RIMS1: variants seen among roughly 807,000 people sequenced by gnomAD.
RIMS1 encodes the protein regulating synaptic membrane exocytosis protein 1.
A neutral mutation model predicts 214.1 loss-of-function variants in RIMS1; 83 were observed. The ratio of observed to expected loss-of-function variants is 0.39; its 90% CI spans 0.32 to 0.47. The LOEUF is 0.47. Ranked by LOEUF, RIMS1 falls within the 20% of genes least tolerant of loss-of-function variation. The pLI, the probability that RIMS1 is intolerant of heterozygous loss-of-function variation, is 0.99. For synonymous variants in RIMS1, 793 were observed against 786.8 expected, an observed-to-expected ratio of 1.01 and a Z score of -0.13; for missense variants, 2,050 against 2,161.8, an observed-to-expected ratio of 0.95 and a Z score of 1.03.
intron 11 of RIMS1, among the ~76,000 whole-genome samples, chr6:72,247,123 A>G (rs1244464466): frequency 6.6e-6 from 1 of 152,136 alleles, no homozygotes; most frequent in Non-Finnish European, 1.5e-5. Context: ...AACACTCTGT[A>G]TTGCTCTCTG....
At chr6:72,363,672 A>G (rs901262747) in intron 29 of RIMS1, among the ~76,000 whole-genome samples, 2 of 152,210 alleles carry the variant, frequency 1.3e-5, no homozygotes, top group African/African-American at 4.8e-5. Context: ...AAAAAGATTG[A>G]AAGCATACCT....
chr6:72,031,564 G>A (rs142345835), intron 2 of RIMS1, among the ~76,000 whole-genome samples: 17 of 152,148 alleles, frequency 1.1e-4, no homozygotes, highest in Admixed American at 3.9e-4. Flanking sequence ...ACTAAAATCC[G>A]GGGGAAATAG....
At chr6:72,104,722 T>C (rs550081039) in intron 4 of RIMS1, among the ~76,000 whole-genome samples, 47 of 152,188 alleles carry the variant, frequency 3.1e-4, no homozygotes, top group African/African-American at 1.1e-3. Context: ...TTTAGTAGAG[T>C]TTCTCTAACA....
At chr6:72,151,511 T>C (rs1345646293) in intron 4 of RIMS1, among the ~76,000 whole-genome samples, 1 of 152,192 alleles carries the variant, frequency 6.6e-6, no homozygotes, top group African/African-American at 2.4e-5. Context: ...AATAATCTGA[T>C]AGGGAAGAAA....
Position 72,398,875 on chromosome 6 carries a change from C to A in RIMS1, c.4721-80C>A, listed in dbSNP as rs1351388749. On this transcript the variant is annotated intron_variant, in intron 32 of 33. Transcript: ENST00000521978. The stretch of plus-strand genomic sequence containing the variant: ...AAACTTTCAGTAAGCATCTCTAATT[C>A]TCTAATAGGGAATTCTCTAATTAAA... 1.3e-5 allele frequency: 11 copies of A among 873,800 alleles called. No homozygotes were observed. The East Asian group carries it at 3.0e-4, about 24-fold the overall frequency. The allele number at this position is 873,800 out of a possible 1,614,324, so 54.1% of individuals were successfully genotyped here.
chr6:72,310,282 A>G (rs1199227868), intron 27 of RIMS1, among the ~76,000 whole-genome samples: 1 of 152,138 alleles, frequency 6.6e-6, no homozygotes, highest in African/African-American at 2.4e-5. Context: ...GAAACCTAGT[A>G]TGTCTTTTAG....
At chr6:71,927,479 A>C (rs1215529919) in intron 1 of RIMS1, among the ~76,000 whole-genome samples, 1 of 152,162 alleles carries the variant, frequency 6.6e-6, no homozygotes, top group African/African-American at 2.4e-5. Flanking sequence ...GTCTTGGGTG[A>C]ATAAAGGCAG....
At chr6:72,046,254 C>T (rs1438803036) in intron 2 of RIMS1, among the ~76,000 whole-genome samples, 1 of 151,880 alleles carries the variant, frequency 6.6e-6, no homozygotes, top group East Asian at 1.9e-4. Flanking sequence ...AAAGTGCTGC[C>T]TGGTGCTGTT....
intron 29 of RIMS1, among the ~76,000 whole-genome samples, chr6:72,357,235 C>A (rs534039008): frequency 6.6e-6 from 1 of 152,292 alleles, no homozygotes; most frequent in East Asian, 1.9e-4. Flanking sequence ...GTTTAATCCT[C>A]AACTAGGTTC....
intron 6 of RIMS1, among the ~76,000 whole-genome samples, chr6:72,230,124 A>G (rs1438566888): frequency 2.0e-5 from 3 of 151,908 alleles, no homozygotes; most frequent in South Asian, 2.1e-4. Flanking sequence ...TGAAGTTTAC[A>G]TTTTTTTGAA....
intron 2 of RIMS1, among the ~76,000 whole-genome samples, chr6:72,012,701 A>G (rs1315019166): frequency 9.2e-5 from 14 of 152,168 alleles, no homozygotes; most frequent in Admixed American, 9.2e-4. Flanking sequence ...CAGCAAGGTT[A>G]TAATAAAGCT....
intron 4 of RIMS1, among the ~76,000 whole-genome samples, chr6:72,166,220 A>G (rs913253543): frequency 1.3e-5 from 2 of 151,868 alleles, no homozygotes; most frequent in Non-Finnish European, 2.9e-5. Flanking sequence ...ACACACACAC[A>G]TGCACACATA....
intron 2 of RIMS1, among the ~76,000 whole-genome samples, chr6:71,997,538 A>G (rs1803833202): frequency 6.6e-6 from 1 of 152,228 alleles, no homozygotes; most frequent in Admixed American, 6.5e-5. Context: ...AAATCATCAC[A>G]AAATTTAAAT....
At chr6:72,332,696 AAG>A (rs201562434) in intron 28 of RIMS1, among the ~76,000 whole-genome samples, 2,009 of 151,638 alleles carry the variant, frequency 0.013, 46 homozygotes, top group African/African-American at 0.047. Context: ...AAAAAAAAAA[AAG>A]AATCCTAACA....
Position 71,992,404 on chromosome 6 carries a change from CTCTTTCTTTCTTTCTT to C in RIMS1, c.245+23373_245+23388del, listed in dbSNP as rs70994109. Among the ~76,000 whole-genome samples the C allele has an allele frequency of 2.7e-3, 292 of 110,154 alleles. 1 individual carries two copies. The highest frequency in any genetic ancestry group is 6.3e-3 in the African/African-American group (171 of 27,220). 72.3% of individuals were successfully genotyped at this position (110,154 alleles called of 152,430 possible). A position where few individuals can be genotyped will look rare whatever the true frequency, so the allele number is the denominator to read the frequency against. On this transcript the variant is annotated intron_variant, in intron 2 of 33. Coordinates refer to ENST00000521978, the MANE Select transcript of RIMS1 (RefSeq NM_014989.7). ...TGCTTGCTTCTTTCTTTCTCTCTCTCTCTTTCTTTCTTTCTTTCTTTCTTTCTTTCTTTCTTTCTTT... is the reference window on the plus strand; with the variant it reads ...TGCTTGCTTCTTTCTTTCTCTCTCTCTCTTTCTTTCTTTCTTTCTTTCTTT...
intron 2 of RIMS1, among the ~76,000 whole-genome samples, chr6:72,053,672 T>A (rs567220812): frequency 2.7e-4 from 41 of 152,296 alleles, no homozygotes; most frequent in African/African-American, 9.4e-4. Flanking sequence ...CCTATTTTAA[T>A]GGCTGGTATT....
chr6:72,331,424 A>G (rs1264182229), intron 28 of RIMS1, among the ~76,000 whole-genome samples: 1 of 151,860 alleles, frequency 6.6e-6, no homozygotes, highest in Non-Finnish European at 1.5e-5. Context: ...GAGAGATGAG[A>G]AACCACTGCT....
At chr6:72,095,097 AC>A (rs1270283381) in intron 2 of RIMS1, among the ~76,000 whole-genome samples, 1 of 143,352 alleles carries the variant, frequency 7.0e-6, no homozygotes, top group African/African-American at 2.6e-5. Flanking sequence ...GACTACAGCC[AC>A]CGCCACCACG....
chr6:72,330,199 G>T (rs1345309395), intron 28 of RIMS1, among the ~76,000 whole-genome samples: 7 of 151,764 alleles, frequency 4.6e-5, no homozygotes, highest in South Asian at 4.1e-4. Context: ...ATATTGAGAG[G>T]TCAAAAGGAT....
Sources: allele counts gnomAD v4.1 joint callset (sites outside exome capture counted in the v4.1 genomes callset), GRCh38; gene constraint gnomAD v4.1.1; transcripts MANE v1.5; gene names NCBI Gene and HGNC (gene_info 2026-07-23, HGNC 2026-07-21).